Variants in EPS8 observed in about 807,000 individuals in gnomAD.
The protein encoded by EPS8 is epidermal growth factor receptor kinase substrate 8.
A neutral mutation model predicts 103.8 loss-of-function variants in EPS8; 42 were observed. The observed-to-expected ratio is 0.40, with a 90% CI of 0.32 to 0.52. EPS8 has a LOEUF of 0.52. Among genes scored for constraint, EPS8 ranks in the 20% least tolerant of loss-of-function variants. The pLI, the probability that EPS8 is intolerant of heterozygous loss-of-function variation, is 0.40. For missense variants in EPS8, 969 were observed against 1,005.1 expected (o/e 0.96, Z 0.49); for synonymous variants, 344 against 344.6 (o/e 1.00, Z 0.02).
At chr12:15,729,511 C>A (rs1442670641) in intron 1 of EPS8, among the ~76,000 whole-genome samples, 1 of 152,134 alleles carries the variant, frequency 6.6e-6, no homozygotes, top group Non-Finnish European at 1.5e-5. Flanking sequence ...CTCACCGATT[C>A]TTTCATTAGC....
intron 1 of EPS8, among the ~76,000 whole-genome samples, chr12:15,768,966 G>A (rs1947126106): frequency 6.6e-6 from 1 of 152,100 alleles, no homozygotes; most frequent in Non-Finnish European, 1.5e-5. Context: ...AATCACCTGA[G>A]CTTTTAAAAA....
intron 8 of EPS8, chr12:15,665,450 C>T (rs1591834275): frequency 2.1e-5 from 6 of 291,192 alleles, no homozygotes; most frequent in Non-Finnish European, 3.9e-5. Flanking sequence ...CCTGTCTCAA[C>T]CATCCCAGTA....
intron 4 of EPS8, 117 bp downstream of exon 4, chr12:15,670,739 T>G: frequency 1.6e-6 from 1 of 632,874 alleles, no homozygotes. Flanking sequence ...AACAAAAAGG[T>G]CAATGCAACT....
intron 1 of EPS8, among the ~76,000 whole-genome samples, chr12:15,689,004 G>T (rs141696407): frequency 2.0e-5 from 3 of 152,304 alleles, no homozygotes; most frequent in African/African-American, 7.2e-5. Context: ...GAGCAGCGGG[G>T]CACTGAAGAA....
chr12:15,664,217 A>T (rs1466008875), intron 8 of EPS8, among the ~76,000 whole-genome samples: 1 of 151,778 alleles, frequency 6.6e-6, no homozygotes. Flanking sequence ...GCAGATCAAT[A>T]CAAATTTACA....
At chr12:15,638,273 C>CT (rs1945170884) in intron 17 of EPS8, among the ~76,000 whole-genome samples, 3 of 151,864 alleles carry the variant, frequency 2.0e-5, no homozygotes, top group Admixed American at 2.0e-4. Flanking sequence ...TTACTCTATT[C>CT]TTTTTTTAAA....
intron 1 of EPS8, among the ~76,000 whole-genome samples, chr12:15,685,862 A>C (rs1946087344): frequency 6.6e-6 from 1 of 152,220 alleles, no homozygotes; most frequent in Non-Finnish European, 1.5e-5. Flanking sequence ...TCTAACTGAA[A>C]AATTAAGTGT....
chr12:15,669,676 A>G lies in EPS8; in HGVS notation c.354T>C (p.Asp118=), dbSNP rs758155851. 14 of 1,599,004 alleles carry G rather than the reference A, an allele frequency of 8.8e-6. No individual in the cohort carries two copies. The South Asian group carries it at 1.6e-4, about 18-fold the overall frequency. ...QVDDRAVSLI[D]LESKNELENF... ...TTTACACACTTGCCTTTGATTCTAA[A>G]TCAATCAGGCTCACAGCTCTGTCAT... Residue 118 remains aspartate (D), a synonymous_variant, in exon 5 of 21, where the codon GAT becomes GAC. Transcript: ENST00000281172.
At position 15,727,177 on chromosome 12, in the gene EPS8, T is replaced by A. The variant is rs1393644637; in HGVS notation, c.-21-44205A>T. On this transcript the variant is annotated intron_variant, in intron 1 of 20. Coordinates refer to ENST00000281172, the MANE Select transcript of EPS8 (RefSeq NM_004447.6). The surrounding 1 kb of genome is among the most constrained non-coding windows in gnomAD (Gnocchi z 4.3). ...GTGACTACGTTTTTACTGTTTAAAT[T>A]TTTTACAAAGCCTGGGCACCTGGGG... Among the ~76,000 whole-genome samples the A allele has an allele frequency of 6.6e-6, 1 of 152,214 alleles. No homozygotes were observed. Among genetic ancestry groups the A allele is most frequent in the Non-Finnish European group, 1.5e-5 (1 of 68,036 alleles).
At chr12:15,770,414 G>A (rs1472237207) in intron 1 of EPS8, among the ~76,000 whole-genome samples, 1 of 151,912 alleles carries the variant, frequency 6.6e-6, no homozygotes, top group East Asian at 1.9e-4. Context: ...GTGCTAAAGC[G>A]TGTTTTTGTA....
rs182889099 is a variant in EPS8 at position 15,697,288 on chromosome 12, C to T, written c.-21-14316G>A. Among the ~76,000 whole-genome samples the T allele has an allele frequency of 6.6e-6, 1 of 152,206 alleles. No individual in the cohort carries two copies. The highest frequency in any genetic ancestry group is 1.5e-5 in the Non-Finnish European group (1 of 68,040). On this transcript the variant is annotated intron_variant, in intron 1 of 20. Coordinates refer to ENST00000281172, the MANE Select transcript of EPS8 (RefSeq NM_004447.6). The surrounding 1 kb of genome is among the most constrained non-coding windows in gnomAD (Gnocchi z 5.6). ...ATCACTTACATGGCATAACTGCTGT[C>T]CCCCATTCTAAGCCAAATGGTGGTA... is the stretch of plus-strand genomic sequence containing the variant.
In EPS8 at chr12:15,704,701, T is replaced by C. The variant is rs536942758; in HGVS notation, c.-21-21729A>G. Among the ~76,000 whole-genome samples, 3 of 152,294 alleles carry C rather than the reference T, an allele frequency of 2.0e-5. No individual in the cohort carries two copies. Among genetic ancestry groups the C allele is most frequent in the Admixed American group, 2.0e-4 (3 of 15,290 alleles). ...GAATACACTTAATGACAATAAACTA[T>C]ACATTTAAAGATGGTTAAGTTGGTA... On this transcript the variant is annotated intron_variant, in intron 1 of 20. Coordinates refer to ENST00000281172, the MANE Select transcript of EPS8 (RefSeq NM_004447.6). The surrounding 1 kb of genome is among the most constrained non-coding windows in gnomAD (Gnocchi z 4.6).
chr12:15,763,601 A>C (rs1287021630), intron 1 of EPS8, among the ~76,000 whole-genome samples: 1 of 152,216 alleles, frequency 6.6e-6, no homozygotes, highest in African/African-American at 2.4e-5. Context: ...TCTCAACTTT[A>C]AACAGTATTT....
At chr12:15,627,941 C>T (rs1411839422) in intron 18 of EPS8, among the ~76,000 whole-genome samples, 1 of 152,028 alleles carries the variant, frequency 6.6e-6, no homozygotes, top group Non-Finnish European at 1.5e-5. Context: ...TATGATTTTT[C>T]CCCCCTAGGG....
intron 6 of EPS8, 85 bp from the exon 7 acceptor site, chr12:15,666,607 C>A: frequency 3.2e-6 from 3 of 945,008 alleles, no homozygotes; most frequent in Non-Finnish European, 3.3e-6. Flanking sequence ...GGGATTGTTC[C>A]TTGTCTGAAT....
In EPS8 at chr12:15,714,712, G is replaced by A. The variant is rs1946509350; in HGVS notation, c.-21-31740C>T. Among the ~76,000 whole-genome samples, 1 of 152,142 alleles carries A rather than the reference G, an allele frequency of 6.6e-6. No individual in the cohort carries two copies. Among genetic ancestry groups the A allele is most frequent in the African/African-American group, 2.4e-5 (1 of 41,410 alleles). On this transcript the variant is annotated intron_variant, in intron 1 of 20. Transcript: ENST00000281172. This position sits in a 1 kb window ranked among gnomAD's most constrained non-coding sequence, Gnocchi z 4.1. Reference sequence around the variant, plus strand: ...AGTGCAGTATTCTTGGGGCAAATGGGAAATGGGTAAAAAACAAAAATACAT... The same window carrying A: ...AGTGCAGTATTCTTGGGGCAAATGGAAAATGGGTAAAAAACAAAAATACAT...
intron 1 of EPS8, among the ~76,000 whole-genome samples, chr12:15,788,468 A>G (rs1183212975): frequency 6.6e-6 from 1 of 152,142 alleles, no homozygotes; most frequent in Admixed American, 6.5e-5. Context: ...GCAAACAGGT[A>G]GTCCTAGGAA....
intron 18 of EPS8, among the ~76,000 whole-genome samples, chr12:15,626,699 C>A (rs986381514): frequency 3.3e-5 from 5 of 151,636 alleles, no homozygotes; most frequent in African/African-American, 1.2e-4. Flanking sequence ...CCAAGTGATC[C>A]TAATTACTCC....
At chr12:15,755,789 T>A (rs1185900451) in intron 1 of EPS8, among the ~76,000 whole-genome samples, 1 of 152,166 alleles carries the variant, frequency 6.6e-6, no homozygotes, top group Admixed American at 6.5e-5. Context: ...GATTCCTTCC[T>A]GTCCCTACAT....
Sources: allele counts gnomAD v4.1 joint callset (sites outside exome capture counted in the v4.1 genomes callset), GRCh38; gene constraint gnomAD v4.1.1; non-coding constraint Gnocchi (gnomAD v3.1); transcripts MANE v1.5; gene names NCBI Gene and HGNC (gene_info 2026-07-23, HGNC 2026-07-21).